The following MYO6 variants were observed in gnomAD, a reference collection of about 807,000 sequenced individuals.
MYO6 encodes myosin VI.
MYO6 carries 74 observed loss-of-function variants against 178.7 expected under a neutral mutation model. That is an observed-to-expected ratio of 0.41 (90% CI 0.34 to 0.50). The LOEUF is 0.50. Ranked by LOEUF, MYO6 falls within the 20% of genes least tolerant of loss-of-function variation. MYO6 has a pLI of 0.09. For synonymous variants in MYO6, 477 were observed against 504.6 expected (o/e 0.95, Z 0.73); for missense variants, 1,330 against 1,547.4 (o/e 0.86, Z 2.36).
chr6:75,781,966 C>T (rs989078083), intron 1 of MYO6, among the ~76,000 whole-genome samples: 8 of 143,952 alleles, frequency 5.6e-5, no homozygotes, highest in South Asian at 4.5e-4. Flanking sequence ...GGGGGAGTGG[C>T]GTGTCACCTA....
At chr6:75,830,591 G>T in intron 5 of MYO6, 46 bp downstream of exon 5, 1 of 1,561,754 alleles carries the variant, frequency 6.4e-7, no homozygotes. Flanking sequence ...TCTTTATATT[G>T]TACAAATTTA....
chr6:75,869,929 T>C (rs1444076412), intron 18 of MYO6, among the ~76,000 whole-genome samples: 2 of 151,892 alleles, frequency 1.3e-5, no homozygotes, highest in Non-Finnish European at 2.9e-5. Context: ...CTGGCTAACA[T>C]GGTAAAACCC....
At chr6:75,853,836 A>G in intron 11 of MYO6, among the ~76,000 whole-genome samples, 1 of 152,210 alleles carries the variant, frequency 6.6e-6, no homozygotes, top group Non-Finnish European at 1.5e-5. Flanking sequence ...AATATAAAGA[A>G]TAGTTAATCG....
At chr6:75,809,374 AG>A (rs1770438330) in intron 1 of MYO6, among the ~76,000 whole-genome samples, 1 of 152,328 alleles carries the variant, frequency 6.6e-6, no homozygotes, top group Non-Finnish European at 1.5e-5. Flanking sequence ...CTGACTTAAC[AG>A]GATTTTTGCT....
rs775976856 is a variant in MYO6 at position 75,914,101 on chromosome 6, C to T, written c.3478C>T (p.Arg1160Trp). Residue 1160 changes from arginine to tryptophan, a missense_variant, in exon 34 of 35, where the codon CGG becomes TGG. Transcript: ENST00000369977. ...NPAAQIPARQ[R>W]EIEMNRQQRF... ...AGCAGCTCAGATTCCTGCCAGGCAG[C>T]GGGAGATTGAAATGAACCGACAGCA... 30 of 1,613,972 alleles carry T rather than the reference C, an allele frequency of 1.9e-5. No homozygotes were observed. The Admixed American group carries it at 2.0e-4, about 11-fold the overall frequency.
chr6:75,858,078 T>G (rs192183907), intron 13 of MYO6, among the ~76,000 whole-genome samples: 1 of 139,378 alleles, frequency 7.2e-6, no homozygotes, highest in South Asian at 2.3e-4. Context: ...TATTATTAAT[T>G]TTTTTTCCTT....
intron 4 of MYO6, 125 bp from the exon 5 acceptor site, chr6:75,830,291 G>C (rs1324198395): frequency 2.5e-6 from 2 of 788,298 alleles, no homozygotes; most frequent in Non-Finnish European, 4.2e-6. Context: ...ATTTAGGACT[G>C]ATTTGGGAGT....
intron 23 of MYO6, among the ~76,000 whole-genome samples, chr6:75,884,772 G>A (rs1403234779): frequency 1.3e-5 from 2 of 152,102 alleles, no homozygotes; most frequent in African/African-American, 2.4e-5. Flanking sequence ...TGGCTGGGCC[G>A]GATTACCTAT....
chr6:75,894,924 G>T, intron 28 of MYO6: 1 of 935,096 alleles, frequency 1.1e-6, no homozygotes, highest in South Asian at 2.2e-5. Flanking sequence ...GCAAAGAGAT[G>T]GTTTCAAATT....
intron 19 of MYO6, among the ~76,000 whole-genome samples, chr6:75,871,667 T>A (rs1405166974): frequency 1.3e-5 from 2 of 152,216 alleles, no homozygotes; most frequent in Non-Finnish European, 2.9e-5. Context: ...AAAATCTTTT[T>A]AATATCCTCT....
chr6:75,773,684 A>T (rs977570057), intron 1 of MYO6, among the ~76,000 whole-genome samples: 20 of 152,208 alleles, frequency 1.3e-4, no homozygotes, highest in Non-Finnish European at 2.2e-4. Flanking sequence ...TCATATGGTT[A>T]TGCTTCAGTG....
intron 32 of MYO6, among the ~76,000 whole-genome samples, chr6:75,910,073 G>A (rs531073074): frequency 1.3e-5 from 2 of 152,104 alleles, no homozygotes; most frequent in African/African-American, 4.8e-5. Context: ...GAAGTGGCAG[G>A]TGGAAGCCCC....
intron 15 of MYO6, among the ~76,000 whole-genome samples, chr6:75,861,604 A>G (rs1260593670): frequency 6.6e-6 from 1 of 152,070 alleles, no homozygotes; most frequent in African/African-American, 2.4e-5. Flanking sequence ...TGGTAAAGAA[A>G]CCTTTCCCTA....
intron 16 of MYO6, among the ~76,000 whole-genome samples, chr6:75,863,506 A>G (rs1776379424): frequency 6.6e-6 from 1 of 151,148 alleles, no homozygotes; most frequent in African/African-American, 2.4e-5. Flanking sequence ...TTTTTTTGAG[A>G]CAGAGTTTCG....
rs9767385 is a variant in MYO6 at position 75,902,226 on chromosome 6, A to G, written c.3176+3815A>G. 3.2e-3 allele frequency among the ~76,000 whole-genome samples: 481 copies of G among 152,230 alleles called. 5 individuals are homozygous for G. The highest frequency in any genetic ancestry group is 0.011 in the African/African-American group (442 of 41,532). On this transcript the variant is annotated intron_variant, in intron 30 of 34. Transcript: ENST00000369977. ...CTCTGCTAGGCTTTGGTATCAGGAT[A>G]ATGCTGGTCTCATAAAATGAGTTAG...
At chr6:75,853,282 A>G (rs1364167952) in intron 11 of MYO6, among the ~76,000 whole-genome samples, 1 of 152,084 alleles carries the variant, frequency 6.6e-6, no homozygotes, top group East Asian at 1.9e-4. Context: ...CCCATTCTGT[A>G]TGTTATCTTT....
chr6:75,815,928 TTG>T (rs1245977712), intron 1 of MYO6, among the ~76,000 whole-genome samples: 1 of 152,248 alleles, frequency 6.6e-6, no homozygotes, highest in Non-Finnish European at 1.5e-5. Flanking sequence ...AGATGATCCA[TTG>T]TTACATTTTA....
At position 75,904,992 on chromosome 6, in the gene MYO6, G is replaced by T. The variant is rs9447576; in HGVS notation, c.3177-2613G>T. Among the ~76,000 whole-genome samples, 529 of 152,300 alleles carry T rather than the reference G, an allele frequency of 3.5e-3. 4 individuals are homozygous for T. Among genetic ancestry groups the T allele is most frequent in the African/African-American group, 0.012 (490 of 41,570 alleles). The stretch of plus-strand genomic sequence containing the variant: ...TCTGTTGGAGTACCCGGCCGTGTGA[G>T]GTGTCAGTCTGCCCCTGCTGGGGGT... On this transcript the variant is annotated intron_variant, in intron 30 of 34. Coordinates refer to ENST00000369977, the MANE Select transcript of MYO6 (RefSeq NM_004999.4).
At chr6:75,780,995 T>C (rs1766925709) in intron 1 of MYO6, among the ~76,000 whole-genome samples, 1 of 151,990 alleles carries the variant, frequency 6.6e-6, no homozygotes, top group South Asian at 2.1e-4. Context: ...GTATTTTTAG[T>C]AGACACAGGG....
Sources: gnomAD v4.1 joint callset for allele counts (sites outside exome capture counted in the v4.1 genomes callset) on GRCh38, gnomAD v4.1.1 for gene constraint, MANE v1.5 for transcripts, NCBI Gene and HGNC (gene_info 2026-07-23, HGNC 2026-07-21) for gene names.